The following VPS13D variants were observed in gnomAD, a reference collection of about 807,000 sequenced individuals.
VPS13D encodes vacuolar protein sorting 13 homolog D.
In VPS13D, 187 loss-of-function variants were observed where a neutral mutation model predicts 461.9. The observed-to-expected ratio is 0.40, with a 90% CI of 0.36 to 0.46. The LOEUF (loss-of-function observed/expected upper bound fraction) is 0.46, where lower values mean the gene tolerates loss of function less well. Among genes scored for constraint, VPS13D ranks in the 20% least tolerant of loss-of-function variants. The pLI, the probability that VPS13D is intolerant of heterozygous loss-of-function variation, is 0.60. For synonymous variants in VPS13D, 1,951 were observed against 1,986.3 expected, an observed-to-expected ratio of 0.98 and a Z score of 0.47; for missense variants, 4,711 against 5,364.9, an observed-to-expected ratio of 0.88 and a Z score of 3.81.
intron 25 of VPS13D, among the ~76,000 whole-genome samples, chr1:12,302,236 C>A (rs529707535): frequency 1.3e-5 from 2 of 152,120 alleles, no homozygotes; most frequent in Non-Finnish European, 2.9e-5. Flanking sequence ...TGGCATTATG[C>A]GGTGCACAAC....
chr1:12,358,425 T>C, intron 49 of VPS13D, 34 bp from the exon 50 acceptor site: 1 of 1,611,488 alleles, frequency 6.2e-7, no homozygotes, highest in Non-Finnish European at 8.5e-7. Flanking sequence ...TTCTTGTGGA[T>C]GAATATCTAC....
chr1:12,460,698 C>T (rs577827295), intron 67 of VPS13D, among the ~76,000 whole-genome samples: 6 of 151,488 alleles, frequency 4.0e-5, no homozygotes, highest in African/African-American at 1.5e-4. Context: ...TGTTATTTTT[C>T]TCCATTAGAG....
At position 12,368,460 on chromosome 1, in the gene VPS13D, T is replaced by G. The variant is rs375107815; in HGVS notation, c.10449-8T>G. On this transcript the variant is annotated splice_polypyrimidine_tract_variant and splice_region_variant and intron_variant, in intron 52 of 69. Transcript: ENST00000620676. ...TTATGTAGCCTCTTTTGTTTCCTTG[T>G]CCTGCAGGGATACCTTGGGAAAATG... is the stretch of plus-strand genomic sequence containing the variant. 92 of 1,608,448 alleles carry G rather than the reference T, an allele frequency of 5.7e-5. No individual in the cohort carries two copies. The African/African-American group carries it at 1.1e-3, about 20-fold the overall frequency.
rs1643603897 is a variant in VPS13D at position 12,342,979 on chromosome 1, G to T, written c.8813G>T (p.Ser2938Ile). The change falls in exon 42 of 70, where the codon AGT (serine) becomes ATT (isoleucine). Residue 2938 changes from serine to isoleucine, a missense_variant. This residue lies in a region of VPS13D where 4,411 missense variants were observed against 4,937.8 expected (regional missense o/e 0.89). Coordinates refer to ENST00000620676, the MANE Select transcript of VPS13D (RefSeq NM_015378.4). ...TTTCTCGATGATACTCACAATGTTA[G>T]TGAATGGCGAGAAGTCCTTACAGGT... ...GTFLDDTHNV[S>I]EWREVLTGEE... The T allele has an allele frequency of 6.2e-7, 1 of 1,613,872 alleles. No homozygotes were observed. Among genetic ancestry groups the T allele is most frequent in the Non-Finnish European group, 8.5e-7 (1 of 1,179,904 alleles).
rs571439463 is a variant in VPS13D, at chr1:12,507,677, G to T, written c.13035+584G>T. ...TAGAGGGCTGGCTGTCTTGTGGGTT[G>T]TCTGATCACTGTGTTGCTGTCATCC... On this transcript the variant is annotated intron_variant, in intron 69 of 69. Transcript: ENST00000620676. This position sits in a 1 kb window ranked among gnomAD's most constrained non-coding sequence, Gnocchi z 5.3. Among the ~76,000 whole-genome samples the T allele has an allele frequency of 1.3e-5, 2 of 152,364 alleles. No homozygotes were observed. The highest frequency in any genetic ancestry group is 3.9e-4 in the East Asian group (2 of 5,188).
At chr1:12,322,036 C>T in intron 33 of VPS13D, 72 bp downstream of exon 33, 2 of 1,551,424 alleles carry the variant, frequency 1.3e-6, no homozygotes, top group Non-Finnish European at 1.7e-6. Flanking sequence ...CTCTTATTTG[C>T]TCTGAGCCCA....
At position 12,303,212 on chromosome 1, in the gene VPS13D, G is replaced by A. The variant is rs547125965; in HGVS notation, c.6217-1294G>A. 2.4e-4 allele frequency among the ~76,000 whole-genome samples: 36 copies of A among 152,166 alleles called. 1 individual carries two copies. The highest frequency in any genetic ancestry group is 4.7e-4 in the Non-Finnish European group (32 of 68,020). ...ATCAAAGCTTGGAGACGGGTTATTTGCCCTTGAGTTCCAGGACTCCTGTGT... is the reference window on the plus strand; with the variant it reads ...ATCAAAGCTTGGAGACGGGTTATTTACCCTTGAGTTCCAGGACTCCTGTGT... On this transcript the variant is annotated intron_variant, in intron 25 of 69. Coordinates refer to ENST00000620676, the MANE Select transcript of VPS13D (RefSeq NM_015378.4).
intron 67 of VPS13D, among the ~76,000 whole-genome samples, chr1:12,491,085 G>A (rs1300657481): frequency 6.6e-6 from 1 of 152,154 alleles, no homozygotes; most frequent in Non-Finnish European, 1.5e-5. Flanking sequence ...GAGGTAGTCT[G>A]GATTGACCTT....
intron 37 of VPS13D, among the ~76,000 whole-genome samples, chr1:12,332,957 G>T (rs939123517): frequency 6.6e-6 from 1 of 152,108 alleles, no homozygotes; most frequent in African/African-American, 2.4e-5. Flanking sequence ...GTGGAAGAGG[G>T]CACATACACT....
At chr1:12,350,433 A>G (rs1197135267) in intron 46 of VPS13D, among the ~76,000 whole-genome samples, 3 of 152,188 alleles carry the variant, frequency 2.0e-5, no homozygotes, top group South Asian at 4.1e-4. Context: ...CATGGGTCAA[A>G]AAAGAGAAAT....
At chr1:12,312,056 GGT>G in intron 29 of VPS13D, 131 bp downstream of exon 29, 4 of 558,444 alleles carry the variant, frequency 7.2e-6, no homozygotes, top group South Asian at 4.1e-5. Flanking sequence ...AGTGTCTTTT[GGT>G]TGATCTACAC....
chr1:12,283,480 A>G lies in VPS13D; in HGVS notation c.5378A>G (p.Asp1793Gly), dbSNP rs1641855190. ...GTCCACATCAACATATTCTTGGTAG[A>G]TAAGAAACATCCAGAATTCTCTTCC... The part of the protein sequence containing the change: ...SLVHINIFLV[D>G]KKHPEFSSSY... The change falls in exon 21 of 70, where the codon GAT becomes GGT. Residue 1793 changes from aspartate (D) to glycine (G), a missense_variant. Asp to Gly is a moderately conservative substitution (Grantham distance 94). This residue lies in a region of VPS13D where 4,411 missense variants were observed against 4,937.8 expected (regional missense o/e 0.89). Coordinates refer to ENST00000620676, the MANE Select transcript of VPS13D (RefSeq NM_015378.4). The G allele has an allele frequency of 3.1e-6, 5 of 1,614,230 alleles. No homozygotes were observed. The highest frequency in any genetic ancestry group is 1.1e-5 in the South Asian group (1 of 91,086).
intron 69 of VPS13D, among the ~76,000 whole-genome samples, chr1:12,508,457 G>A (rs1471778562): frequency 6.6e-6 from 1 of 150,614 alleles, no homozygotes; most frequent in Non-Finnish European, 1.5e-5. Flanking sequence ...TGTAATCCCA[G>A]CACTTTGGGA....
rs1643484760 is a variant in VPS13D, at chr1:12,337,922, T to C, written c.8552-309T>C. 6 of 220,724 alleles carry C rather than the reference T, an allele frequency of 2.7e-5. No individual in the cohort carries two copies. In the South Asian group the frequency reaches 5.5e-4, roughly 20 times the overall value. 13.7% of individuals were successfully genotyped at this position (220,724 alleles called of 1,614,324 possible). On this transcript the variant is annotated intron_variant, in intron 39 of 69. Transcript: ENST00000620676. ...ATTTAAGAACATAACACCTTTAAATTAAAAATCTTCAAAAGGCTCGTCATT... is the reference window on the plus strand; with the variant it reads ...ATTTAAGAACATAACACCTTTAAATCAAAAATCTTCAAAAGGCTCGTCATT...
At position 12,491,622 on chromosome 1, in the gene VPS13D, T is replaced by C. The variant is rs1645882814; in HGVS notation, c.12663-5878T>C. 2.6e-5 allele frequency among the ~76,000 whole-genome samples: 4 copies of C among 152,166 alleles called. No homozygotes were observed. In the South Asian group the frequency reaches 8.3e-4, roughly 32 times the overall value. ...TTTTGGGCCTCCGGTGTATATCAGA[T>C]AGCAATGGCCAGATGCAGGCACACT... On this transcript the variant is annotated intron_variant, in intron 67 of 69. Transcript: ENST00000620676.
At chr1:12,388,263 T>TA (rs1644375185) in intron 60 of VPS13D, among the ~76,000 whole-genome samples, 1 of 152,144 alleles carries the variant, frequency 6.6e-6, no homozygotes, top group African/African-American at 2.4e-5. Context: ...TTATAACTAA[T>TA]AATTCAGCAA....
chr1:12,427,493 A>T (rs2100284393), intron 65 of VPS13D, among the ~76,000 whole-genome samples: 1 of 152,164 alleles, frequency 6.6e-6, no homozygotes, highest in East Asian at 1.9e-4. Flanking sequence ...CCGAAAAAAA[A>T]AAGGATAGTT....
Position 12,283,231 on chromosome 1 carries a change from G to A in VPS13D, c.5129G>A (p.Cys1710Tyr), listed in dbSNP as rs1275568421. 1 of 1,614,086 alleles carries A rather than the reference G, an allele frequency of 6.2e-7. No individual in the cohort carries two copies. The highest frequency in any genetic ancestry group is 1.7e-5 in the Admixed American group (1 of 60,006). The change falls in exon 21 of 70, where the codon TGC (cysteine) becomes TAC (tyrosine). Residue 1710 changes from cysteine to tyrosine, a missense_variant. Around this residue, in one of 3 missense-constraint regions of VPS13D, gnomAD observed 4,411 missense variants for 4,937.8 expected, o/e 0.89. Transcript: ENST00000620676. ...CAAAAAGAATACCTTTCTCAGTCTT[G>A]CCCCTCAGTGTCCAATGTGGAATAT... ...LAQKEYLSQS[C>Y]PSVSNVEYPD...
chr1:12,369,047 G>A (rs1294672540), intron 53 of VPS13D, among the ~76,000 whole-genome samples: 3 of 152,200 alleles, frequency 2.0e-5, no homozygotes, highest in Admixed American at 6.5e-5. Flanking sequence ...GGTCTTATAT[G>A]TGATGATCTG....
Sources: allele counts gnomAD v4.1 joint callset (sites outside exome capture counted in the v4.1 genomes callset), GRCh38; gene constraint gnomAD v4.1.1; regional missense constraint gnomAD v4.1.1; non-coding constraint Gnocchi (gnomAD v3.1); transcripts MANE v1.5; gene names NCBI Gene and HGNC (gene_info 2026-07-23, HGNC 2026-07-21).